STPG2: variants seen among roughly 807,000 people sequenced by gnomAD.
The protein encoded by STPG2 is sperm-tail PG-rich repeat-containing protein 2.
STPG2 carries 56 observed loss-of-function variants against 54.2 expected under a neutral mutation model. That is an observed-to-expected ratio of 1.03 (90% CI 0.83 to 1.29). The LOEUF is 1.29. Among genes scored for constraint, STPG2 ranks in the 50% most tolerant of loss-of-function variants. The pLI, the probability that STPG2 is intolerant of heterozygous loss-of-function variation, is 0.00. For missense variants in STPG2, 596 were observed against 544.9 expected, an observed-to-expected ratio of 1.09 and a Z score of -0.93; for synonymous variants, 200 against 181.8, an observed-to-expected ratio of 1.10 and a Z score of -0.81.
intron 8 of STPG2, among the ~76,000 whole-genome samples, chr4:97,845,161 T>G (rs1166229468): frequency 6.6e-6 from 1 of 151,994 alleles, no homozygotes; most frequent in Non-Finnish European, 1.5e-5. Context: ...AATAAGTTTT[T>G]TTTTTGAAAA....
chr4:97,860,201 G>T (rs1362400893), intron 8 of STPG2, among the ~76,000 whole-genome samples: 2 of 152,164 alleles, frequency 1.3e-5, no homozygotes, highest in South Asian at 2.1e-4. Flanking sequence ...CCTTGTTTTG[G>T]CTATGCAGGC....
chr4:97,927,212 C>T (rs1178612896), intron 8 of STPG2, among the ~76,000 whole-genome samples: 1 of 129,366 alleles, frequency 7.7e-6, no homozygotes, highest in African/African-American at 2.8e-5. Context: ...TCATTCTCAA[C>T]TCTATGTATT....
chr4:98,020,509 G>A (rs1736143195), intron 5 of STPG2, among the ~76,000 whole-genome samples: 1 of 151,936 alleles, frequency 6.6e-6, no homozygotes, highest in African/African-American at 2.4e-5. Context: ...CCCGGCTTTG[G>A]TATCAGGATG....
chr4:97,603,040 A>C (rs549795785), intron 10 of STPG2, among the ~76,000 whole-genome samples: 1 of 151,798 alleles, frequency 6.6e-6, no homozygotes, highest in Non-Finnish European at 1.5e-5. Flanking sequence ...CCTATGAAAT[A>C]GAAACAAATA....
chr4:98,086,399 TA>T (rs1204674752), intron 5 of STPG2, among the ~76,000 whole-genome samples: 2 of 151,958 alleles, frequency 1.3e-5, no homozygotes, highest in African/African-American at 2.4e-5. Context: ...GGAAGAAAAA[TA>T]TTTTTTAAAA....
chr4:98,026,193 C>A, intron 5 of STPG2: 1 of 1,236,406 alleles, frequency 8.1e-7, no homozygotes, highest in Non-Finnish European at 1.2e-6. Flanking sequence ...ATGTCCCTTG[C>A]TCAGAAGAAA....
intron 10 of STPG2, among the ~76,000 whole-genome samples, chr4:97,584,847 G>A (rs542602595): frequency 6.6e-6 from 1 of 151,608 alleles, no homozygotes; most frequent in South Asian, 2.1e-4. Flanking sequence ...CCAATAACAG[G>A]TAGCAAGATT....
intron 9 of STPG2, among the ~76,000 whole-genome samples, chr4:97,752,683 C>T (rs1213300847): frequency 6.6e-6 from 1 of 151,788 alleles, no homozygotes; most frequent in Non-Finnish European, 1.5e-5. Flanking sequence ...TTATACTTAG[C>T]CCATACCATT....
intron 4 of STPG2, among the ~76,000 whole-genome samples, chr4:97,522,398 T>C (rs1045429901): frequency 6.6e-6 from 1 of 152,034 alleles, no homozygotes; most frequent in African/African-American, 2.4e-5. Flanking sequence ...GTTTATTTTG[T>C]AGGTTTTTAA....
chr4:97,675,504 C>A (rs1722811036), intron 10 of STPG2, among the ~76,000 whole-genome samples: 1 of 152,138 alleles, frequency 6.6e-6, no homozygotes, highest in Admixed American at 6.6e-5. Flanking sequence ...CACAGCTTGA[C>A]AGGCCTCTTT....
At chr4:97,741,763 GT>G (rs1240661785) in intron 9 of STPG2, among the ~76,000 whole-genome samples, 1 of 151,774 alleles carries the variant, frequency 6.6e-6, no homozygotes, top group Non-Finnish European at 1.5e-5. Context: ...TACACTGTTG[GT>G]GGGACTGTAA....
chr4:97,901,204 C>T (rs905590997), intron 8 of STPG2, among the ~76,000 whole-genome samples: 3 of 151,802 alleles, frequency 2.0e-5, no homozygotes, highest in Non-Finnish European at 4.4e-5. Flanking sequence ...AAAATAAAGG[C>T]CATGTATGAC....
At chr4:97,854,911 C>T (rs1215206483) in intron 8 of STPG2, among the ~76,000 whole-genome samples, 1 of 152,124 alleles carries the variant, frequency 6.6e-6, no homozygotes, top group Admixed American at 6.6e-5. Context: ...CAACGTCTTG[C>T]CTCCAACAAG....
chr4:97,864,077 A>G (rs965677700), intron 8 of STPG2, among the ~76,000 whole-genome samples: 1 of 152,170 alleles, frequency 6.6e-6, no homozygotes, highest in African/African-American at 2.4e-5. Flanking sequence ...TATTCAACAT[A>G]GTGTTGGAAG....
chr4:97,543,237 G>C (rs776891770), intron 4 of STPG2, among the ~76,000 whole-genome samples: 1 of 151,370 alleles, frequency 6.6e-6, no homozygotes, highest in Admixed American at 6.6e-5. Context: ...AAGAAATTTC[G>C]TTTATAAAGA....
At chr4:97,722,821 G>A (rs1287425222) in intron 9 of STPG2, among the ~76,000 whole-genome samples, 4 of 138,502 alleles carry the variant, frequency 2.9e-5, no homozygotes, top group Admixed American at 7.2e-5. Context: ...TTTTTGAGAC[G>A]GAGCCTTGCT....
At chr4:97,595,620 GA>G (rs900163067) in intron 10 of STPG2, among the ~76,000 whole-genome samples, 1 of 149,356 alleles carries the variant, frequency 6.7e-6, no homozygotes, top group East Asian at 2.0e-4. Context: ...AACAAAAAAA[GA>G]AAAAAAAAGA....
intron 4 of STPG2, among the ~76,000 whole-genome samples, chr4:97,487,234 G>A (rs1184406878): frequency 6.6e-6 from 1 of 151,048 alleles, no homozygotes; most frequent in East Asian, 2.0e-4. Context: ...ACTACATATG[G>A]TATTATTTCA....
At chr4:97,559,384 A>G (rs1732165011) in intron 10 of STPG2, among the ~76,000 whole-genome samples, 1 of 152,176 alleles carries the variant, frequency 6.6e-6, no homozygotes, top group African/African-American at 2.4e-5. Flanking sequence ...TTGTGCACTT[A>G]TTTACTTGTA....
Sources: gnomAD v4.1 joint callset for allele counts (sites outside exome capture counted in the v4.1 genomes callset) on GRCh38, gnomAD v4.1.1 for gene constraint, MANE v1.5 for transcripts, NCBI Gene and HGNC (gene_info 2026-07-23, HGNC 2026-07-21) for gene names.